COA1: variants seen among roughly 807,000 people sequenced by gnomAD.
COA1 encodes cytochrome c oxidase assembly factor 1 homolog.
In COA1, 13 loss-of-function variants were observed where a neutral mutation model predicts 16.0. The observed-to-expected ratio is 0.81, with a 90% CI of 0.53 to 1.29. The LOEUF is 1.29. Among genes scored for constraint, COA1 ranks in the 50% most tolerant of loss-of-function variants. The pLI, the probability that COA1 is intolerant of heterozygous loss-of-function variation, is 0.00. For synonymous variants in COA1, 65 were observed against 65.7 expected (o/e 0.99, Z 0.05); for missense variants, 179 against 177.0 (o/e 1.01, Z -0.06).
chr7:43,715,223 T>G (rs1440827155), intron 1 of COA1, among the ~76,000 whole-genome samples: 5 of 152,144 alleles, frequency 3.3e-5, no homozygotes, highest in African/African-American at 4.8e-5. Context: ...ACATTTAACA[T>G]TGACATTGAT....
At chr7:43,722,858 G>A (rs1227863206) in intron 1 of COA1, among the ~76,000 whole-genome samples, 1 of 152,186 alleles carries the variant, frequency 6.6e-6, no homozygotes, top group Non-Finnish European at 1.5e-5. Flanking sequence ...GAACATCTAA[G>A]TCCATCTGGG....
intron 1 of COA1, among the ~76,000 whole-genome samples, chr7:43,689,532 C>CA (rs1479018525): frequency 6.6e-6 from 1 of 151,968 alleles, no homozygotes; most frequent in Non-Finnish European, 1.5e-5. Context: ...CAAATACCTT[C>CA]AAAAAATGAA....
chr7:43,626,415 C>T (rs1018873527), intron 6 of COA1: 11 of 152,212 alleles, frequency 7.2e-5, no homozygotes, highest in African/African-American at 2.4e-4. Context: ...AGGTGAAATT[C>T]ATCAGGCACT....
At chr7:43,720,552 G>A (rs1446272474) in intron 1 of COA1, among the ~76,000 whole-genome samples, 1 of 152,054 alleles carries the variant, frequency 6.6e-6, no homozygotes, top group Non-Finnish European at 1.5e-5. Context: ...TGAAAAATAG[G>A]GGTAATAATA....
At chr7:43,696,699 ATG>A (rs35502637) in intron 1 of COA1, among the ~76,000 whole-genome samples, 22,285 of 152,094 alleles carry the variant, frequency 0.15, 2,175 homozygotes, top group Non-Finnish European at 0.21. Flanking sequence ...ATATATACAT[ATG>A]TGTGTGTATA....
chr7:43,678,070 T>G (rs755516684), intron 1 of COA1, among the ~76,000 whole-genome samples: 1 of 152,198 alleles, frequency 6.6e-6, no homozygotes, highest in Non-Finnish European at 1.5e-5. Flanking sequence ...ATCAAGTTGA[T>G]TTGAAACACT....
chr7:43,636,428 G>GC (rs1245555268), downstream of COA1, among the ~76,000 whole-genome samples: 3 of 152,112 alleles, frequency 2.0e-5, no homozygotes, highest in African/African-American at 7.2e-5. Context: ...CACCTGTAAG[G>GC]CAAGTGATTG....
chr7:43,692,177 T>A (rs548515795), intron 1 of COA1, among the ~76,000 whole-genome samples: 1 of 152,304 alleles, frequency 6.6e-6, no homozygotes, highest in South Asian at 2.1e-4. Context: ...CATTTGATCC[T>A]GAGAGAAATT....
chr7:43,670,498 A>C (rs1584766161), intron 1 of COA1, among the ~76,000 whole-genome samples: 2 of 152,254 alleles, frequency 1.3e-5, no homozygotes, highest in South Asian at 4.1e-4. Flanking sequence ...AAAAGTAATT[A>C]ATCTATTTAT....
At chr7:43,707,687 T>C (rs1323921110) in intron 1 of COA1, among the ~76,000 whole-genome samples, 1 of 152,246 alleles carries the variant, frequency 6.6e-6, no homozygotes, top group African/African-American at 2.4e-5. Flanking sequence ...TCATCCATAT[T>C]GTGTAAATTG....
chr7:43,681,143 T>TA (rs976483151), intron 1 of COA1, among the ~76,000 whole-genome samples: 3 of 152,098 alleles, frequency 2.0e-5, no homozygotes, highest in Admixed American at 6.6e-5. Context: ...TTTCTCCTCC[T>TA]AAAAAAATCT....
rs1006018515 is a variant in COA1 at position 43,678,492 on chromosome 7, C to T, written c.-38-29840G>A. Among the ~76,000 whole-genome samples, 86 of 152,114 alleles carry T rather than the reference C, an allele frequency of 5.7e-4. 2 individuals are homozygous for T. Among genetic ancestry groups the T allele is most frequent in the Non-Finnish European group, 5.9e-5 (4 of 67,998 alleles). ...CAAAATAGACAAAACTGGACTACAT[C>T]GAAACTGAAAACACTATCAACAGAG... On this transcript the variant is annotated intron_variant, in intron 1 of 5. Transcript: ENST00000223336.
chr7:43,704,759 G>T (rs761274278), intron 1 of COA1, among the ~76,000 whole-genome samples: 1 of 151,968 alleles, frequency 6.6e-6, no homozygotes, highest in African/African-American at 2.4e-5. Context: ...CCTCTATGTC[G>T]ACTAGCTTCC....
chr7:43,685,957 A>G (rs962355530), intron 1 of COA1, among the ~76,000 whole-genome samples: 1 of 152,250 alleles, frequency 6.6e-6, no homozygotes, highest in African/African-American at 2.4e-5. Flanking sequence ...ATACAAAAAA[A>G]TCAAGAATGC....
At chr7:43,653,147 C>T (rs2091141676) in intron 1 of COA1, among the ~76,000 whole-genome samples, 1 of 152,028 alleles carries the variant, frequency 6.6e-6, no homozygotes, top group African/African-American at 2.4e-5. Context: ...CCCGTCTCTA[C>T]TAAAAATACA....
intron 1 of COA1, among the ~76,000 whole-genome samples, chr7:43,706,230 A>C (rs1348362490): frequency 6.6e-6 from 1 of 152,212 alleles, no homozygotes; most frequent in Non-Finnish European, 1.5e-5. Flanking sequence ...AAAAGCTAAA[A>C]AAGTATATAT....
At chr7:43,705,558 C>T (rs2094936934) in intron 1 of COA1, among the ~76,000 whole-genome samples, 1 of 152,316 alleles carries the variant, frequency 6.6e-6, no homozygotes, top group South Asian at 2.1e-4. Flanking sequence ...GTCCTCAGAT[C>T]AGACTGGTCC....
intron 6 of COA1, among the ~76,000 whole-genome samples, chr7:43,616,830 G>A (rs932335454): frequency 2.0e-5 from 3 of 152,168 alleles, no homozygotes; most frequent in African/African-American, 7.2e-5. Context: ...CTGGGAGGTG[G>A]AGCTTGCAGT....
chr7:43,705,660 A>G (rs1282064260), intron 1 of COA1, among the ~76,000 whole-genome samples: 2 of 152,172 alleles, frequency 1.3e-5, no homozygotes, highest in Non-Finnish European at 2.9e-5. Context: ...ATGGATATCC[A>G]CAGCCATGCT....
Sources: allele counts gnomAD v4.1 joint callset (sites outside exome capture counted in the v4.1 genomes callset), GRCh38; gene constraint gnomAD v4.1.1; transcripts MANE v1.5; gene names NCBI Gene and HGNC (gene_info 2026-07-23, HGNC 2026-07-21).